SCARA3: variants seen among roughly 807,000 people sequenced by gnomAD.
SCARA3 encodes scavenger receptor class A member 3.
In SCARA3, 39 loss-of-function variants were observed where a neutral mutation model predicts 47.0. The ratio of observed to expected loss-of-function variants is 0.83; its 90% CI spans 0.64 to 1.08. The LOEUF (loss-of-function observed/expected upper bound fraction) is 1.08, where lower values mean the gene tolerates loss of function less well. SCARA3 is among the 50% of genes least tolerant of loss of function. The pLI is 0.00. For missense variants in SCARA3, 724 were observed against 792.3 expected, an observed-to-expected ratio of 0.91 and a Z score of 1.04; for synonymous variants, 356 against 334.1, an observed-to-expected ratio of 1.07 and a Z score of -0.71.
the SCARA3 span, among the ~76,000 whole-genome samples, chr8:27,710,807 C>T: frequency 1.3e-5 from 2 of 151,666 alleles, no homozygotes; most frequent in African/African-American, 2.4e-5. Context: ...CTGGGTTGTG[C>T]GGATGGTATT....
the SCARA3 span, among the ~76,000 whole-genome samples, chr8:27,709,224 G>C: frequency 1.3e-5 from 2 of 152,242 alleles, no homozygotes; most frequent in African/African-American, 2.4e-5. Flanking sequence ...TGACAGTCTT[G>C]TTGGGTGCAG....
chr8:27,650,154 G>C (rs1801601484), intron 2 of SCARA3, among the ~76,000 whole-genome samples: 1 of 146,068 alleles, frequency 6.8e-6, no homozygotes, highest in African/African-American at 2.4e-5. Context: ...CACCATGCCT[G>C]GATAATTTTT....
the SCARA3 span, among the ~76,000 whole-genome samples, chr8:27,699,914 C>A: frequency 6.6e-6 from 1 of 152,106 alleles, no homozygotes; most frequent in Non-Finnish European, 1.5e-5. Context: ...ACATATATAT[C>A]AATTGATTTT....
the SCARA3 span, among the ~76,000 whole-genome samples, chr8:27,687,297 A>G: frequency 6.6e-6 from 1 of 152,208 alleles, no homozygotes; most frequent in African/African-American, 2.4e-5. Flanking sequence ...CTCAGAAAGA[A>G]GCCACCATAA....
the SCARA3 span, among the ~76,000 whole-genome samples, chr8:27,724,566 G>A: frequency 6.6e-6 from 1 of 152,218 alleles, no homozygotes; most frequent in East Asian, 1.9e-4. Flanking sequence ...GCTGAGGCAG[G>A]AGAACCGTTT....
chr8:27,725,755 C>A, the SCARA3 span, among the ~76,000 whole-genome samples: 1 of 152,144 alleles, frequency 6.6e-6, no homozygotes, highest in Non-Finnish European at 1.5e-5. Flanking sequence ...GTAAGCCAAA[C>A]AGGGAAGAGT....
chr8:27,650,893 T>C (rs528997520), intron 2 of SCARA3, among the ~76,000 whole-genome samples: 1 of 152,284 alleles, frequency 6.6e-6, no homozygotes, highest in East Asian at 1.9e-4. Context: ...CATTTTCTTT[T>C]TTCTTTTTTA....
chr8:27,688,415 G>A, the SCARA3 span, among the ~76,000 whole-genome samples: 1 of 150,286 alleles, frequency 6.7e-6, no homozygotes, highest in East Asian at 2.0e-4. Flanking sequence ...AAAAAAACCA[G>A]CCAGGTGCAG....
chr8:27,683,551 G>A, the SCARA3 span, among the ~76,000 whole-genome samples: 1 of 152,146 alleles, frequency 6.6e-6, no homozygotes, highest in Non-Finnish European at 1.5e-5. Flanking sequence ...TTTCCTGGTA[G>A]GAGTATGAAA....
chr8:27,711,965 G>A, the SCARA3 span, among the ~76,000 whole-genome samples: 1 of 152,154 alleles, frequency 6.6e-6, no homozygotes, highest in Non-Finnish European at 1.5e-5. Flanking sequence ...GTGTTGTACA[G>A]TCTGTAAGTT....
At chr8:27,645,451 A>G (rs1434320501) in intron 1 of SCARA3, among the ~76,000 whole-genome samples, 1 of 152,260 alleles carries the variant, frequency 6.6e-6, no homozygotes, top group Admixed American at 6.5e-5. Context: ...TATCAGGCTT[A>G]TATGGAAAGG....
chr8:27,652,421 G>A (rs1801652154), intron 3 of SCARA3, among the ~76,000 whole-genome samples: 1 of 152,140 alleles, frequency 6.6e-6, no homozygotes, highest in Non-Finnish European at 1.5e-5. Context: ...TTGAAAATCC[G>A]GGCTCTGGTA....
At chr8:27,641,533 T>C (rs894342848) in intron 1 of SCARA3, among the ~76,000 whole-genome samples, 3 of 152,140 alleles carry the variant, frequency 2.0e-5, no homozygotes, top group Admixed American at 6.5e-5. Flanking sequence ...GCTTCTCTAG[T>C]GCAATTCGAA....
In SCARA3 at chr8:27,659,316, G is replaced by A. The variant is rs112368662; in HGVS notation, c.1146G>A (p.Arg382=). Residue 382 remains arginine, a synonymous_variant, in exon 5 of 6, where the codon CGG becomes CGA. Coordinates refer to ENST00000301904, the MANE Select transcript of SCARA3 (RefSeq NM_016240.3). ...TGCTCAAGTACCTGGATGACGTGCGGCTCTCCTGCACGCTGGGCTTCCACA... is the reference window on the plus strand; with the variant it reads ...TGCTCAAGTACCTGGATGACGTGCGACTCTCCTGCACGCTGGGCTTCCACA... ...HSMLKYLDDV[R]LSCTLGFHTH... 6.2e-7 allele frequency: 1 copy of A among 1,614,016 alleles called. No homozygotes were observed. Among genetic ancestry groups the A allele is most frequent in the Non-Finnish European group, 8.5e-7 (1 of 1,180,006 alleles).
the SCARA3 span, among the ~76,000 whole-genome samples, chr8:27,696,153 G>A: frequency 6.6e-6 from 1 of 151,942 alleles, no homozygotes; most frequent in East Asian, 1.9e-4. Context: ...GGGACTAAAG[G>A]CACATGCCAC....
chr8:27,671,902 A>G lies in SCARA3; in HGVS notation c.*551A>G, dbSNP rs968370702. The G allele has an allele frequency of 1.3e-5, 13 of 984,954 alleles. No homozygotes were observed. The highest frequency in any genetic ancestry group is 1.2e-4 in the Admixed American group (2 of 16,228). The allele number at this position is 984,954 out of a possible 1,614,324, so 61.0% of individuals were successfully genotyped here. ...GGGCAGGAGGAGAGGGCAGAGGAAG[A>G]CCCCCTCTCCTGTGACTGAGCCTGC... On this transcript the variant is annotated 3_prime_UTR_variant, in exon 6 of 6. Transcript: ENST00000301904.
intron 3 of SCARA3, among the ~76,000 whole-genome samples, chr8:27,655,684 A>C (rs1172550927): frequency 6.6e-6 from 1 of 152,236 alleles, no homozygotes; most frequent in Non-Finnish European, 1.5e-5. Context: ...AGAATTAAGC[A>C]TTACTTATAT....
At chr8:27,649,207 T>A in intron 1 of SCARA3, among the ~76,000 whole-genome samples, 1 of 152,062 alleles carries the variant, frequency 6.6e-6, no homozygotes, top group Non-Finnish European at 1.5e-5. Flanking sequence ...GAAGCAGGGA[T>A]CTGCGCCCAT....
At chr8:27,720,796 T>C in the SCARA3 span, among the ~76,000 whole-genome samples, 1 of 151,598 alleles carries the variant, frequency 6.6e-6, no homozygotes, top group Admixed American at 6.6e-5. Flanking sequence ...ATCCATCCAT[T>C]CATTCATCTA....
Sources: allele counts gnomAD v4.1 joint callset (sites outside exome capture counted in the v4.1 genomes callset), GRCh38; gene constraint gnomAD v4.1.1; transcripts MANE v1.5; gene names NCBI Gene and HGNC (gene_info 2026-07-23, HGNC 2026-07-21).